Variants in ARMC2 observed in about 807,000 individuals in gnomAD.
ARMC2 encodes armadillo repeat containing 2.
Under a neutral mutation model 90.3 loss-of-function variants are expected in ARMC2, and 67 were observed. That is an observed-to-expected ratio of 0.74 (90% CI 0.61 to 0.91). ARMC2 has a LOEUF of 0.91. Among genes scored for constraint, ARMC2 ranks in the 40% least tolerant of loss-of-function variants. The pLI is 0.00. For synonymous variants in ARMC2, 393 were observed against 393.0 expected (o/e 1.00, Z 0.00); for missense variants, 920 against 1,030.9 (o/e 0.89, Z 1.47).
chr6:108,975,956 G>C (rs1778976211), downstream of ARMC2, among the ~76,000 whole-genome samples: 1 of 152,144 alleles, frequency 6.6e-6, no homozygotes, highest in African/African-American at 2.4e-5. Context: ...TAGGTTGCCT[G>C]TTCACTCTGA....
chr6:109,000,725 T>A, the ARMC2 span: 1 of 1,312,830 alleles, frequency 7.6e-7, no homozygotes, highest in African/African-American at 1.5e-5. Flanking sequence ...TTGAACTACA[T>A]ATCCTTTTTA....
the ARMC2 span, among the ~76,000 whole-genome samples, chr6:109,047,373 G>T: frequency 1.6e-5 from 2 of 127,608 alleles, no homozygotes; most frequent in African/African-American, 2.9e-5. Context: ...CCGGCCAGCC[G>T]CCCCGTCCGG....
intron 1 of ARMC2, among the ~76,000 whole-genome samples, chr6:108,853,391 G>T (rs1245176794): frequency 6.6e-6 from 1 of 152,134 alleles, no homozygotes; most frequent in African/African-American, 2.4e-5. Context: ...TTTCTGTTGT[G>T]CAGAAGTTAT....
chr6:108,933,601 C>A (rs1361009567), intron 11 of ARMC2, among the ~76,000 whole-genome samples: 1 of 151,994 alleles, frequency 6.6e-6, no homozygotes, highest in African/African-American at 2.4e-5. Flanking sequence ...TCATAAGTAC[C>A]CTTCTGCAAA....
At chr6:109,000,128 T>C in the ARMC2 span, 1 of 158,548 alleles carries the variant, frequency 6.3e-6, no homozygotes, top group Admixed American at 6.5e-5. Flanking sequence ...GTTGCAGGGG[T>C]TTAGGGGAAG....
At chr6:108,907,644 G>A in intron 8 of ARMC2, 1 of 1,595,312 alleles carries the variant, frequency 6.3e-7, no homozygotes, top group Non-Finnish European at 8.6e-7. Context: ...TGCTTGAGAT[G>A]CTTGTAGGAA....
the ARMC2 span, among the ~76,000 whole-genome samples, chr6:109,044,024 C>CCTT: frequency 1.3e-5 from 2 of 151,930 alleles, no homozygotes; most frequent in South Asian, 4.1e-4. Context: ...TTATTGTTAA[C>CCTT]AAAGAAGTGG....
At chr6:109,047,944 G>C in the ARMC2 span, among the ~76,000 whole-genome samples, 1 of 146,600 alleles carries the variant, frequency 6.8e-6, no homozygotes, top group Admixed American at 6.7e-5. Flanking sequence ...AGTACCCAGG[G>C]ACACAAACAC....
At chr6:108,971,408 G>C (rs1369035782) in intron 17 of ARMC2, among the ~76,000 whole-genome samples, 1 of 152,152 alleles carries the variant, frequency 6.6e-6, no homozygotes, top group Non-Finnish European at 1.5e-5. Flanking sequence ...GTTTGTGTCT[G>C]CCTGGAGCTT....
the ARMC2 span, among the ~76,000 whole-genome samples, chr6:109,032,515 G>T: frequency 6.6e-6 from 1 of 151,978 alleles, no homozygotes; most frequent in Non-Finnish European, 1.5e-5. Flanking sequence ...CTATTGGGGA[G>T]GCTGAGGCAG....
chr6:108,975,047 T>C (rs903047534), downstream of ARMC2, among the ~76,000 whole-genome samples: 6 of 151,974 alleles, frequency 3.9e-5, no homozygotes, highest in Admixed American at 3.9e-4. Context: ...GGGGTACATA[T>C]GCAGAATGTG....
intron 10 of ARMC2, among the ~76,000 whole-genome samples, chr6:108,914,265 AG>A: frequency 6.6e-6 from 1 of 152,142 alleles, no homozygotes; most frequent in Non-Finnish European, 1.5e-5. Context: ...AAATCAAGAA[AG>A]GGGACCTCTG....
At chr6:109,008,185 A>C in the ARMC2 span, among the ~76,000 whole-genome samples, 1 of 152,220 alleles carries the variant, frequency 6.6e-6, no homozygotes, top group Admixed American at 6.5e-5. Context: ...AGATCTGAGC[A>C]AGAACCAGGA....
At chr6:108,992,531 G>A in the ARMC2 span, among the ~76,000 whole-genome samples, 2 of 152,170 alleles carry the variant, frequency 1.3e-5, no homozygotes, top group African/African-American at 4.8e-5. Flanking sequence ...AACGCTGGGA[G>A]TATCAACTCA....
At chr6:108,931,754 A>G (rs1307827134) in intron 11 of ARMC2, among the ~76,000 whole-genome samples, 1 of 146,160 alleles carries the variant, frequency 6.8e-6, no homozygotes, top group African/African-American at 2.5e-5. Flanking sequence ...GTGTTTGTTC[A>G]TGTTCTTTGC....
chr6:109,000,223 C>T, the ARMC2 span: 7 of 259,398 alleles, frequency 2.7e-5, no homozygotes, highest in East Asian at 2.8e-4. Context: ...GTAATGGATG[C>T]GTGACATTAG....
At chr6:108,937,872 A>AT in intron 12 of ARMC2, among the ~76,000 whole-genome samples, 1 of 150,838 alleles carries the variant, frequency 6.6e-6, no homozygotes, top group East Asian at 2.0e-4. Context: ...TTGTTTTTGT[A>AT]CTTTTAGTAG....
At chr6:108,960,567 C>T (rs1430382248) in intron 13 of ARMC2, among the ~76,000 whole-genome samples, 2 of 152,228 alleles carry the variant, frequency 1.3e-5, no homozygotes, top group African/African-American at 2.4e-5. Flanking sequence ...AGGAAGCTGA[C>T]ATTTTAGGGC....
chr6:109,032,613 A>AT, the ARMC2 span, among the ~76,000 whole-genome samples: 1 of 144,950 alleles, frequency 6.9e-6, no homozygotes, highest in Non-Finnish European at 1.5e-5. Flanking sequence ...GCAAGACTTC[A>AT]TCTCGTGGGG....
Sources: gnomAD v4.1 joint callset for allele counts (sites outside exome capture counted in the v4.1 genomes callset) on GRCh38, gnomAD v4.1.1 for gene constraint, MANE v1.5 for transcripts, NCBI Gene and HGNC (gene_info 2026-07-23, HGNC 2026-07-21) for gene names.